The following SAXO1 variants were observed in gnomAD, a reference collection of about 807,000 sequenced individuals.
SAXO1 encodes the protein stabilizer of axonemal microtubules 1.
Under a neutral mutation model 17.5 loss-of-function variants are expected in SAXO1, and 21 were observed. That is an observed-to-expected ratio of 1.20 (90% CI 0.85 to 1.72). The LOEUF (loss-of-function observed/expected upper bound fraction) is 1.72, where lower values mean the gene tolerates loss of function less well. Ranked by LOEUF, SAXO1 falls within the 40% of genes most tolerant of loss-of-function variation. The pLI is 0.00. For missense variants in SAXO1, 843 were observed against 596.0 expected, an observed-to-expected ratio of 1.41 and a Z score of -4.32; for synonymous variants, 274 against 216.5, an observed-to-expected ratio of 1.27 and a Z score of -2.33.
chr9:18,940,318 A>G (rs1320316783), intron 3 of SAXO1, among the ~76,000 whole-genome samples: 1 of 152,234 alleles, frequency 6.6e-6, no homozygotes, highest in African/African-American at 2.4e-5. Flanking sequence ...TGTACTGCTG[A>G]TAAAAGGTGG....
chr9:18,961,054 G>T (rs1804747242), intron 1 of SAXO1, among the ~76,000 whole-genome samples: 2 of 152,148 alleles, frequency 1.3e-5, no homozygotes, highest in South Asian at 4.1e-4. Context: ...TTCATTAAAT[G>T]CTAAGTTTCT....
At chr9:18,947,436 A>G (rs1173101538) in intron 2 of SAXO1, among the ~76,000 whole-genome samples, 2 of 151,896 alleles carry the variant, frequency 1.3e-5, no homozygotes, top group Admixed American at 6.6e-5. Context: ...TTTCAGCCAC[A>G]CCCATCAAGT....
At chr9:19,025,122 A>G (rs1835418735) in intron 1 of SAXO1, among the ~76,000 whole-genome samples, 1 of 152,266 alleles carries the variant, frequency 6.6e-6, no homozygotes, top group South Asian at 2.1e-4. Context: ...TTTAAGGAGC[A>G]TAACATAGCT....
intron 1 of SAXO1, among the ~76,000 whole-genome samples, chr9:18,962,838 A>T (rs768606546): frequency 6.6e-6 from 1 of 152,170 alleles, no homozygotes; most frequent in Non-Finnish European, 1.5e-5. Context: ...TTTTGTCGCC[A>T]TTGCTTTTGG....
rs372783811 is a variant in SAXO1 at position 18,941,817 on chromosome 9, C to T, written c.241G>A (p.Val81Met). ...TSRRDFGPHK[V>M]APVKVHQYDQ... ...TACTGGTGGACCTTCACTGGTGCCACTTTGTGAGGCCCAAAATCTCTCCTG... is the reference window on the plus strand; with the variant it reads ...TACTGGTGGACCTTCACTGGTGCCATTTTGTGAGGCCCAAAATCTCTCCTG... The change falls in exon 3 of 4, where the codon GTG becomes ATG. Residue 81 changes from valine (V) to methionine (M), a missense_variant. By Grantham distance (21) the Val-to-Met change is conservative (BLOSUM62 1). Transcript: ENST00000380534. The T allele has an allele frequency of 1.2e-6, 2 of 1,614,076 alleles. No individual in the cohort carries two copies. Among genetic ancestry groups the T allele is most frequent in the African/African-American group, 1.3e-5 (1 of 74,918 alleles).
In SAXO1 at chr9:18,928,985, T is replaced by G. The variant is rs1283996505; in HGVS notation, c.492A>C (p.Ser164=). 6.2e-7 allele frequency: 1 copy of G among 1,614,172 alleles called. No homozygotes were observed. The highest frequency in any genetic ancestry group is 1.7e-5 in the Admixed American group (1 of 59,984). ...GTGTGGTTCTGTTATCAAACCTGAC[T>G]GATGCCGGCTGGTATTTGTGTTCCA... ...LRLEHKYQPA[S]VRFDNRTTHQ... Residue 164 remains serine, a synonymous_variant, in exon 4 of 4, where the codon TCA becomes TCC. Transcript: ENST00000380534.
intron 1 of SAXO1, among the ~76,000 whole-genome samples, chr9:19,041,136 T>A: frequency 6.9e-6 from 1 of 145,428 alleles, no homozygotes; most frequent in Non-Finnish European, 1.5e-5. Flanking sequence ...CAGGAGCACT[T>A]CTACCTGCCA....
chr9:18,954,919 T>A (rs1291740450), intron 1 of SAXO1, among the ~76,000 whole-genome samples: 2 of 147,082 alleles, frequency 1.4e-5, no homozygotes, highest in African/African-American at 5.0e-5. Context: ...AAAAAAAAGT[T>A]AAAAAAAAAA....
At chr9:19,012,134 A>G (rs954399654) in intron 1 of SAXO1, among the ~76,000 whole-genome samples, 2 of 151,984 alleles carry the variant, frequency 1.3e-5, no homozygotes, top group African/African-American at 2.4e-5. Context: ...GTGAGCCACC[A>G]CGCCCGGCAA....
At chr9:19,033,733 C>G (rs1835862876), upstream of SAXO1, among the ~76,000 whole-genome samples, 1 of 152,220 alleles carries the variant, frequency 6.6e-6, no homozygotes, top group Non-Finnish European at 1.5e-5. Flanking sequence ...TGCCTTGAAG[C>G]AGGCGTTCTC....
chr9:18,932,358 T>C (rs1034690986), intron 3 of SAXO1, among the ~76,000 whole-genome samples: 1 of 152,246 alleles, frequency 6.6e-6, no homozygotes, highest in African/African-American at 2.4e-5. Flanking sequence ...GGCTTATTTC[T>C]GTACTCTCAA....
upstream of SAXO1, among the ~76,000 whole-genome samples, chr9:19,037,438 C>G (rs558704785): frequency 2.0e-5 from 3 of 152,220 alleles, no homozygotes; most frequent in South Asian, 2.1e-4. Flanking sequence ...GTGGGAGGGA[C>G]CCAGTGGGAG....
rs1414470848 is a variant in SAXO1 at position 18,928,508 on chromosome 9, T to C, written c.969A>G (p.Arg323=). ...CGCACTTCTTAATCTGAAGTGCAGGTCGGCAGGACTGAGCTGGGGCACCCT... is the reference window on the plus strand; with the variant it reads ...CGCACTTCTTAATCTGAAGTGCAGGCCGGCAGGACTGAGCTGGGGCACCCT... The part of the protein sequence containing the change: ...CPKGAPAQSC[R]PALQIKKCGR... Residue 323 remains arginine, a synonymous_variant, in exon 4 of 4, where the codon CGA becomes CGG. Coordinates refer to ENST00000380534, the MANE Select transcript of SAXO1 (RefSeq NM_153707.4). 4.3e-6 allele frequency: 7 copies of C among 1,613,580 alleles called. No individual in the cohort carries two copies.
At chr9:19,048,144 G>A (rs140079180) in intron 1 of SAXO1, among the ~76,000 whole-genome samples, 1 of 152,224 alleles carries the variant, frequency 6.6e-6, no homozygotes, top group Non-Finnish European at 1.5e-5. Flanking sequence ...TGGAATACCT[G>A]AATTTGTACA....
intron 1 of SAXO1, chr9:19,027,880 C>A: frequency 7.3e-7 from 1 of 1,375,164 alleles, no homozygotes; most frequent in Non-Finnish European, 1.0e-6. Context: ...GCGGCCTGGA[C>A]CGCAAGATCG....
chr9:18,973,393 T>C (rs1833023650), intron 1 of SAXO1, among the ~76,000 whole-genome samples: 1 of 152,230 alleles, frequency 6.6e-6, no homozygotes. Flanking sequence ...TGTAGACAGG[T>C]ATCACAGGAC....
At chr9:18,938,900 G>A (rs1318068307) in intron 3 of SAXO1, among the ~76,000 whole-genome samples, 3 of 151,338 alleles carry the variant, frequency 2.0e-5, no homozygotes, top group East Asian at 1.9e-4. Flanking sequence ...GGAGAAGTAG[G>A]GAGGACTTCT....
chr9:19,009,621 C>T (rs3892045), intron 1 of SAXO1, among the ~76,000 whole-genome samples: 85,907 of 151,794 alleles, frequency 0.57, 24,589 homozygotes, highest in Non-Finnish European at 0.63. Flanking sequence ...TGAAATGGAA[C>T]AAGCATCAGG....
chr9:18,978,541 C>T (rs1309956789), intron 1 of SAXO1, among the ~76,000 whole-genome samples: 2 of 152,190 alleles, frequency 1.3e-5, no homozygotes, highest in African/African-American at 4.8e-5. Flanking sequence ...TAATAAGAGC[C>T]ATTGTGCAAG....
Sources: gnomAD v4.1 joint callset for allele counts (sites outside exome capture counted in the v4.1 genomes callset) on GRCh38, gnomAD v4.1.1 for gene constraint, MANE v1.5 for transcripts, NCBI Gene and HGNC (gene_info 2026-07-23, HGNC 2026-07-21) for gene names.